The following FSTL4 variants were observed in gnomAD, a reference collection of about 807,000 sequenced individuals.
FSTL4 encodes the protein follistatin-related protein 4.
Under a neutral mutation model 78.2 loss-of-function variants are expected in FSTL4, and 28 were observed. The observed-to-expected ratio is 0.36, with a 90% CI of 0.27 to 0.49. FSTL4 has a LOEUF of 0.49. FSTL4 is among the 20% of genes least tolerant of loss of function. The pLI, the probability that FSTL4 is intolerant of heterozygous loss-of-function variation, is 0.98. For missense variants in FSTL4, 922 were observed against 1,084.9 expected, an observed-to-expected ratio of 0.85 and a Z score of 2.11; for synonymous variants, 422 against 440.5, an observed-to-expected ratio of 0.96 and a Z score of 0.53.
the FSTL4 span, among the ~76,000 whole-genome samples, chr5:133,767,833 T>C: frequency 6.6e-6 from 1 of 152,136 alleles, no homozygotes; most frequent in Non-Finnish European, 1.5e-5. Context: ...GGTCACAGGA[T>C]GGATAGGGCT....
At chr5:133,548,399 T>C (rs182149455) in intron 3 of FSTL4, among the ~76,000 whole-genome samples, 218 of 152,252 alleles carry the variant, frequency 1.4e-3, no homozygotes, top group Non-Finnish European at 2.6e-3. Context: ...CAGAAATGAA[T>C]TGCAGCATAC....
chr5:133,467,252 A>ATGTGAG (rs1423553935), intron 3 of FSTL4, among the ~76,000 whole-genome samples: 1 of 124,260 alleles, frequency 8.0e-6, no homozygotes, highest in African/African-American at 3.7e-5. Context: ...GAATGAGTAT[A>ATGTGAG]TGTGAGTGTG....
In FSTL4 at chr5:133,426,756, T is replaced by A. The variant is rs899613253; in HGVS notation, c.161-25770A>T. On this transcript the variant is annotated intron_variant, in intron 3 of 15. Transcript: ENST00000265342. The surrounding 1 kb of genome is among the most constrained non-coding windows in gnomAD (Gnocchi z 5.0). ...AGACAGTCAGCCAGTTCTGCTTTAATAATGCACTGATAGAAGCTCCAGTTC... is the reference window on the plus strand; with the variant it reads ...AGACAGTCAGCCAGTTCTGCTTTAAAAATGCACTGATAGAAGCTCCAGTTC... Among the ~76,000 whole-genome samples, 1 of 152,184 alleles carries A rather than the reference T, an allele frequency of 6.6e-6. No individual in the cohort carries two copies. The highest frequency in any genetic ancestry group is 1.5e-5 in the Non-Finnish European group (1 of 68,034).
chr5:133,499,182 C>A (rs1275780796), intron 3 of FSTL4, among the ~76,000 whole-genome samples: 1 of 152,130 alleles, frequency 6.6e-6, no homozygotes, highest in African/African-American at 2.4e-5. Flanking sequence ...AAAAACTACA[C>A]ACAGGAGATC....
chr5:133,365,407 G>A (rs1375516110), intron 4 of FSTL4, among the ~76,000 whole-genome samples: 5 of 152,146 alleles, frequency 3.3e-5, no homozygotes, highest in Non-Finnish European at 7.4e-5. Context: ...CTGAGCCAGG[G>A]GGACCACCCA....
chr5:133,759,117 G>A, the FSTL4 span, among the ~76,000 whole-genome samples: 27 of 152,170 alleles, frequency 1.8e-4, no homozygotes, highest in Admixed American at 4.6e-4. Context: ...TTCAAAAAAC[G>A]TGCAAGGGTA....
At chr5:133,616,192 T>C (rs920425863), upstream of FSTL4, among the ~76,000 whole-genome samples, 1 of 152,140 alleles carries the variant, frequency 6.6e-6, no homozygotes, top group Non-Finnish European at 1.5e-5. Context: ...AGGGAACATA[T>C]TAAGAGGAGA....
intron 3 of FSTL4, among the ~76,000 whole-genome samples, chr5:133,559,626 C>T (rs189940569): frequency 6.9e-4 from 105 of 152,314 alleles, no homozygotes; most frequent in Non-Finnish European, 5.9e-5. Context: ...AGATAGTGAC[C>T]TATGCCCAAA....
At position 133,440,327 on chromosome 5, in the gene FSTL4, G is replaced by A. The variant is rs1266059629; in HGVS notation, c.161-39341C>T. 6.6e-6 allele frequency among the ~76,000 whole-genome samples: 1 copy of A among 152,190 alleles called. No homozygotes were observed. Among genetic ancestry groups the A allele is most frequent in the Non-Finnish European group, 1.5e-5 (1 of 68,030 alleles). ...GCCCGTAAGATGCCTCACCAAGCCTGTTTTTGGCAAGGGTTTGGACTTCAA... is the reference window on the plus strand; with the variant it reads ...GCCCGTAAGATGCCTCACCAAGCCTATTTTTGGCAAGGGTTTGGACTTCAA... On this transcript the variant is annotated intron_variant, in intron 3 of 15. Transcript: ENST00000265342. The surrounding 1 kb of genome is among the most constrained non-coding windows in gnomAD (Gnocchi z 4.1).
chr5:133,466,263 C>T (rs1191678229), intron 3 of FSTL4, among the ~76,000 whole-genome samples: 1 of 152,208 alleles, frequency 6.6e-6, no homozygotes, highest in Non-Finnish European at 1.5e-5. Flanking sequence ...CACTTACCGG[C>T]CAGGTGCGGT....
intron 7 of FSTL4, among the ~76,000 whole-genome samples, chr5:133,233,993 TG>T (rs1751584122): frequency 2.6e-5 from 4 of 152,168 alleles, no homozygotes; most frequent in Admixed American, 2.6e-4. Flanking sequence ...TTTGGCTTCA[TG>T]GGTAGCACAG....
intron 4 of FSTL4, among the ~76,000 whole-genome samples, chr5:133,339,711 T>G (rs578172182): frequency 6.6e-6 from 1 of 152,364 alleles, no homozygotes; most frequent in South Asian, 2.1e-4. Flanking sequence ...CTTGGTAAAC[T>G]GAACAAGAAT....
intron 13 of FSTL4, among the ~76,000 whole-genome samples, chr5:133,211,880 A>T (rs1750738275): frequency 6.6e-6 from 1 of 152,146 alleles, no homozygotes; most frequent in Non-Finnish European, 1.5e-5. Context: ...TAGAGAATTG[A>T]ACTCTTGATT....
At chr5:133,538,448 T>C (rs1442983952) in intron 3 of FSTL4, among the ~76,000 whole-genome samples, 1 of 152,230 alleles carries the variant, frequency 6.6e-6, no homozygotes, top group Non-Finnish European at 1.5e-5. Context: ...GTTAAGGTTA[T>C]ATCCACCTTT....
At chr5:133,630,700 AG>A in the FSTL4 span, among the ~76,000 whole-genome samples, 1 of 152,234 alleles carries the variant, frequency 6.6e-6, no homozygotes, top group African/African-American at 2.4e-5. Context: ...CTCAACAAAA[AG>A]AACAAAGCTG....
At chr5:133,573,860 A>C (rs907108306) in intron 2 of FSTL4, among the ~76,000 whole-genome samples, 2 of 152,242 alleles carry the variant, frequency 1.3e-5, no homozygotes, top group Non-Finnish European at 2.9e-5. Context: ...CATGGAAAAA[A>C]TGTTGGACGT....
intron 3 of FSTL4, among the ~76,000 whole-genome samples, chr5:133,471,734 T>G (rs139468948): frequency 2.2e-4 from 33 of 152,350 alleles, no homozygotes; most frequent in African/African-American, 7.7e-4. Flanking sequence ...TCCAGATAGA[T>G]TAAATGGGTC....
intron 4 of FSTL4, among the ~76,000 whole-genome samples, chr5:133,388,827 A>G (rs927940671): frequency 1.3e-5 from 2 of 148,924 alleles, no homozygotes; most frequent in African/African-American, 2.5e-5. Flanking sequence ...TTACATAACT[A>G]TCATCCTCTC....
the FSTL4 span, among the ~76,000 whole-genome samples, chr5:133,682,873 C>G: frequency 2.0e-5 from 3 of 152,212 alleles, no homozygotes; most frequent in African/African-American, 7.2e-5. Context: ...GCAGTGACCC[C>G]AGAGAAAACT....
Sources: allele counts gnomAD v4.1 joint callset (sites outside exome capture counted in the v4.1 genomes callset), GRCh38; gene constraint gnomAD v4.1.1; non-coding constraint Gnocchi (gnomAD v3.1); transcripts MANE v1.5; gene names NCBI Gene and HGNC (gene_info 2026-07-23, HGNC 2026-07-21).